The following ARHGAP32 variants were observed in gnomAD, a reference collection of about 807,000 sequenced individuals.
ARHGAP32 encodes Rho GTPase activating protein 32.
ARHGAP32 carries 51 observed loss-of-function variants against 186.5 expected under a neutral mutation model. That is an observed-to-expected ratio of 0.27 (90% CI 0.22 to 0.35). The LOEUF is 0.35. ARHGAP32 is among the 10% of genes least tolerant of loss of function. The probability of loss-of-function intolerance (pLI) is 1.00; values close to 1 mark genes in which losing one functional copy is unlikely to be tolerated. For missense variants in ARHGAP32, 2,186 were observed against 2,623.5 expected (o/e 0.83, Z 3.64); for synonymous variants, 950 against 964.3 (o/e 0.99, Z 0.27).
chr11:129,218,115 T>G (rs184615549), intron 1 of ARHGAP32, among the ~76,000 whole-genome samples: 1 of 152,338 alleles, frequency 6.6e-6, no homozygotes, highest in African/African-American at 2.4e-5. Flanking sequence ...CTGTTGACAC[T>G]TAAGTCATTA....
chr11:129,080,876 G>C (rs1941199541), intron 6 of ARHGAP32, among the ~76,000 whole-genome samples: 1 of 151,800 alleles, frequency 6.6e-6, no homozygotes, highest in Non-Finnish European at 1.5e-5. Flanking sequence ...ACCAAGAAAA[G>C]AAACGAGAAG....
intron 11 of ARHGAP32, among the ~76,000 whole-genome samples, chr11:129,031,306 G>A: frequency 6.6e-6 from 1 of 152,152 alleles, no homozygotes; most frequent in East Asian, 1.9e-4. Context: ...GGGGTCTTAA[G>A]TACCTTATCC....
intron 1 of ARHGAP32, among the ~76,000 whole-genome samples, chr11:129,261,015 G>GA (rs1945314115): frequency 6.6e-6 from 1 of 151,548 alleles, no homozygotes; most frequent in South Asian, 2.1e-4. Context: ...CTAGAAAGCT[G>GA]AAAATACTAC....
At chr11:129,104,966 C>G (rs1180731791) in intron 5 of ARHGAP32, among the ~76,000 whole-genome samples, 1 of 152,144 alleles carries the variant, frequency 6.6e-6, no homozygotes, top group Non-Finnish European at 1.5e-5. Context: ...CTCACCGGGC[C>G]TGAAAGGAAT....
At chr11:129,169,662 G>T (rs1943717264) in intron 1 of ARHGAP32, among the ~76,000 whole-genome samples, 2 of 148,780 alleles carry the variant, frequency 1.3e-5, no homozygotes, top group South Asian at 2.1e-4. Flanking sequence ...AAAAGATTGT[G>T]AGGCCATTAT....
At chr11:129,008,636 T>C (rs1478470652) in intron 11 of ARHGAP32, among the ~76,000 whole-genome samples, 2 of 152,210 alleles carry the variant, frequency 1.3e-5, no homozygotes, top group Non-Finnish European at 2.9e-5. Flanking sequence ...GCAGTTATTC[T>C]AGACCGTAAC....
intron 1 of ARHGAP32, among the ~76,000 whole-genome samples, chr11:129,173,104 CA>C (rs981998637): frequency 1.3e-5 from 2 of 151,342 alleles, no homozygotes. Context: ...AAGAATCAAA[CA>C]GACACAATAA....
At chr11:129,235,939 A>ACACACACACACT (rs1491239598) in intron 1 of ARHGAP32, among the ~76,000 whole-genome samples, 9 of 135,924 alleles carry the variant, frequency 6.6e-5, no homozygotes, top group African/African-American at 2.4e-4. Context: ...ACACACACAC[A>ACACACACACACT]CTCACACACA....
rs1369056779 is a variant in ARHGAP32, at chr11:129,123,977, C to T, written c.318-48G>A. The T allele has an allele frequency of 1.6e-6, 2 of 1,250,710 alleles. No homozygotes were observed. The highest frequency in any genetic ancestry group is 2.1e-6 in the Non-Finnish European group (2 of 956,232). The allele number at this position is 1,250,710 out of a possible 1,614,324, so 77.5% of individuals were successfully genotyped here. ...TATCCTTGTCTTTCCTCTACTTACA[C>T]ATGAAGCATAACTATCTAACTCTAC... On this transcript the variant is annotated intron_variant, in intron 3 of 22. Transcript: ENST00000682385. The surrounding 1 kb of genome is among the most constrained non-coding windows in gnomAD (Gnocchi z 4.6).
At chr11:129,210,270 G>A (rs1944563415) in intron 1 of ARHGAP32, among the ~76,000 whole-genome samples, 1 of 152,204 alleles carries the variant, frequency 6.6e-6, no homozygotes, top group African/African-American at 2.4e-5. Flanking sequence ...CTTGAAAACA[G>A]TCTATTCTGA....
At chr11:129,217,774 C>T (rs1401963161) in intron 1 of ARHGAP32, among the ~76,000 whole-genome samples, 1 of 152,100 alleles carries the variant, frequency 6.6e-6, no homozygotes, top group Non-Finnish European at 1.5e-5. Context: ...ATACACCAGT[C>T]AAAGAAATAG....
At chr11:129,013,530 T>C (rs549754521) in intron 11 of ARHGAP32, among the ~76,000 whole-genome samples, 61 of 152,324 alleles carry the variant, frequency 4.0e-4, no homozygotes, top group Admixed American at 3.7e-3. Flanking sequence ...GTTATTTTAA[T>C]TGGACTCCTC....
intron 11 of ARHGAP32, among the ~76,000 whole-genome samples, chr11:129,035,777 G>C (rs888239623): frequency 3.3e-5 from 5 of 152,012 alleles, no homozygotes; most frequent in African/African-American, 4.8e-5. Context: ...CTGGAAGGCG[G>C]AGGTTGCAGT....
At chr11:129,062,566 CAA>C (rs1668590399) in intron 9 of ARHGAP32, among the ~76,000 whole-genome samples, 1 of 152,148 alleles carries the variant, frequency 6.6e-6, no homozygotes, top group African/African-American at 2.4e-5. Flanking sequence ...TTAAGCAGCA[CAA>C]AGACTGTGAT....
At chr11:129,187,788 G>C (rs2135547070) in intron 1 of ARHGAP32, among the ~76,000 whole-genome samples, 1 of 152,082 alleles carries the variant, frequency 6.6e-6, no homozygotes, top group East Asian at 1.9e-4. Context: ...TAGCTTTTTG[G>C]GCAAAATATA....
intron 1 of ARHGAP32, among the ~76,000 whole-genome samples, chr11:129,273,049 T>C (rs1244865581): frequency 9.2e-5 from 14 of 152,050 alleles, no homozygotes. Context: ...TTGGAGGGAG[T>C]CTACAAAGCC....
At chr11:129,192,010 G>T in intron 1 of ARHGAP32, 73 bp downstream of exon 1, 1 of 1,111,266 alleles carries the variant, frequency 9.0e-7, no homozygotes, top group Non-Finnish European at 1.3e-6. Context: ...AGACCGAAAT[G>T]CAGAGAAGAA....
chr11:128,982,030 C>T (rs1945718015), intron 15 of ARHGAP32, 94 bp from the exon 16 acceptor site: 1 of 759,534 alleles, frequency 1.3e-6, no homozygotes, highest in South Asian at 2.2e-5. Context: ...TTTGCAATAG[C>T]AAAATGAAGA....
chr11:129,112,571 C>A (rs1024397435), intron 5 of ARHGAP32, among the ~76,000 whole-genome samples: 1 of 152,070 alleles, frequency 6.6e-6, no homozygotes, highest in African/African-American at 2.4e-5. Context: ...ACTTTCCATG[C>A]AGATATCCTT....
Sources: allele counts gnomAD v4.1 joint callset (sites outside exome capture counted in the v4.1 genomes callset), GRCh38; gene constraint gnomAD v4.1.1; non-coding constraint Gnocchi (gnomAD v3.1); transcripts MANE v1.5; gene names NCBI Gene and HGNC (gene_info 2026-07-23, HGNC 2026-07-21).